The following STK10 variants were observed in gnomAD, a reference collection of about 807,000 sequenced individuals.
STK10 encodes serine/threonine-protein kinase 10.
A neutral mutation model predicts 113.8 loss-of-function variants in STK10; 78 were observed. The ratio of observed to expected loss-of-function variants is 0.69; its 90% CI spans 0.57 to 0.83. The LOEUF is 0.83. STK10 is among the 40% of genes least tolerant of loss of function. The pLI, the probability that STK10 is intolerant of heterozygous loss-of-function variation, is 0.00. For missense variants in STK10, 1,109 were observed against 1,280.1 expected, an observed-to-expected ratio of 0.87 and a Z score of 2.04; for synonymous variants, 465 against 494.7, an observed-to-expected ratio of 0.94 and a Z score of 0.80.
At position 172,083,009 on chromosome 5, in the gene STK10, A is replaced by T; in HGVS notation, c.1761T>A (p.His587Gln). 3 of 1,613,954 alleles carry T rather than the reference A, an allele frequency of 1.9e-6. No individual in the cohort carries two copies. The highest frequency in any genetic ancestry group is 2.5e-6 in the Non-Finnish European group (3 of 1,179,956). Residue 587 changes from histidine to glutamine, a missense_variant, in exon 11 of 19, where the codon CAT (histidine) becomes CAA (glutamine). Around this residue, in one of 5 missense-constraint regions of STK10, gnomAD observed 885 missense variants for 991.1 expected, o/e 0.89. Coordinates refer to ENST00000176763, the MANE Select transcript of STK10 (RefSeq NM_005990.4). ...HRNQTQLSNK[H>Q]ELQLEQMHKR... Reference sequence around the variant, plus strand: ...TATGCATTTGCTCCAGCTGCAGCTCATGCTTGTTACTCAGCTGGGTCTGGT... The same window carrying T: ...TATGCATTTGCTCCAGCTGCAGCTCTTGCTTGTTACTCAGCTGGGTCTGGT...
In STK10 at chr5:172,055,777, C is replaced by T. The variant is rs776368912; in HGVS notation, c.2338-1G>A. ...TGTAGCGCTGCATCTGCTCCCGCTC[C>T]TGGAGAGGAATATCCAGAGGGGCTG... On this transcript the variant is annotated splice_acceptor_variant, in intron 15 of 18. Transcript: ENST00000176763. LOFTEE classifies it high-confidence loss of function. 2.7e-6 allele frequency: 4 copies of T among 1,482,062 alleles called. No homozygotes were observed. The highest frequency in any genetic ancestry group is 3.6e-6 in the Non-Finnish European group (4 of 1,106,336). The allele number at this position is 1,482,062 out of a possible 1,614,324, so 91.8% of individuals were successfully genotyped here. A position where few individuals can be genotyped will look rare whatever the true frequency, so the allele number is the denominator to read the frequency against.
At chr5:172,185,317 G>T (rs1770935500) in intron 1 of STK10, among the ~76,000 whole-genome samples, 1 of 151,912 alleles carries the variant, frequency 6.6e-6, no homozygotes, top group Non-Finnish European at 1.5e-5. Flanking sequence ...TCGCCAGGCT[G>T]GAGTGCAGTG....
intron 12 of STK10, among the ~76,000 whole-genome samples, chr5:172,076,929 C>CAAAGGCACCGAAAACACGAAG (rs56807786): frequency 0.21 from 31,808 of 151,734 alleles, 4,315 homozygotes; most frequent in African/African-American, 0.38. Context: ...GGATTTCTGC[C>CAAAGGCACCGAAAACACGAAG]AAAGGCACCA....
chr5:172,178,306 G>A (rs565173279), intron 1 of STK10, among the ~76,000 whole-genome samples: 60 of 152,292 alleles, frequency 3.9e-4, no homozygotes, highest in African/African-American at 1.4e-3. Context: ...ACGGCCAGCA[G>A]TCAGCAACCT....
chr5:172,107,720 G>A (rs773881212), intron 5 of STK10, 60 bp downstream of exon 5: 7 of 1,553,518 alleles, frequency 4.5e-6, no homozygotes, highest in Non-Finnish European at 6.2e-6. Flanking sequence ...AGCGCCTGGT[G>A]GTCACCTTGG....
intron 3 of STK10, among the ~76,000 whole-genome samples, chr5:172,121,765 C>T (rs1379850528): frequency 1.3e-5 from 2 of 152,182 alleles, no homozygotes; most frequent in Admixed American, 6.5e-5. Flanking sequence ...AGTCTTACTA[C>T]GTTGTCCAAG....
chr5:172,135,697 C>T (rs1296292789), intron 2 of STK10, among the ~76,000 whole-genome samples: 1 of 152,052 alleles, frequency 6.6e-6, no homozygotes, highest in Admixed American at 6.6e-5. Context: ...CATATAGATC[C>T]AAAAGAATTT....
intron 7 of STK10, among the ~76,000 whole-genome samples, chr5:172,098,975 CCAT>C (rs1399277615): frequency 6.6e-6 from 1 of 151,556 alleles, no homozygotes; most frequent in Non-Finnish European, 1.5e-5. Context: ...ACCATCACCA[CCAT>C]CATTACCATC....
At position 172,082,603 on chromosome 5, in the gene STK10, G is replaced by C; in HGVS notation, c.1810-98C>G. On this transcript the variant is annotated intron_variant, in intron 11 of 18. Coordinates refer to ENST00000176763, the MANE Select transcript of STK10 (RefSeq NM_005990.4). This position sits in a 1 kb window ranked among gnomAD's most constrained non-coding sequence, Gnocchi z 4.3. ...GGGGAGAACTCAGAGCTTGTGATCA[G>C]ACCTAAGCTTGAATCCCAGCTCTAC... The C allele has an allele frequency of 7.0e-7, 1 of 1,423,592 alleles. No homozygotes were observed. The allele number at this position is 1,423,592 out of a possible 1,614,324, so 88.2% of individuals were successfully genotyped here.
chr5:172,180,244 A>C (rs1002931454), intron 1 of STK10, among the ~76,000 whole-genome samples: 2 of 152,078 alleles, frequency 1.3e-5, no homozygotes, highest in African/African-American at 4.8e-5. Context: ...CGGGCAGATC[A>C]CCAGAAGTCA....
intron 1 of STK10, among the ~76,000 whole-genome samples, chr5:172,159,754 C>T (rs936992579): frequency 1.3e-5 from 2 of 151,972 alleles, no homozygotes; most frequent in Non-Finnish European, 2.9e-5. Flanking sequence ...ACCCGGAAGG[C>T]AGAGGTTGCA....
intron 15 of STK10, chr5:172,056,954 GGAAAGAAA>G (rs758056970): frequency 0.016 from 1,290 of 78,880 alleles, 36 homozygotes; most frequent in Admixed American, 0.042. Context: ...AAAGAAAGAA[GGAAAGAAA>G]GAAAGAAAGA....
chr5:172,097,943 G>T (rs1387212626), intron 7 of STK10, among the ~76,000 whole-genome samples: 1 of 152,190 alleles, frequency 6.6e-6, no homozygotes, highest in Non-Finnish European at 1.5e-5. Context: ...CCCGGGTATA[G>T]CCAGGGATGT....
At chr5:172,135,588 A>G (rs1490925970) in intron 2 of STK10, among the ~76,000 whole-genome samples, 3 of 152,172 alleles carry the variant, frequency 2.0e-5, no homozygotes, top group Non-Finnish European at 4.4e-5. Context: ...TGATGGTGGT[A>G]ATGTAAAATG....
Position 172,149,500 on chromosome 5 carries a change from G to GTGTGTGTGTGTGTGTGTC in STK10, c.321+7123_321+7124insGACACACACACACACACA, listed in dbSNP as rs1392930290. Reference sequence around the variant, plus strand: ...AAAGTGCTTTACAAAGTGCTCGTGTGTGTGTGTGTGTGTGTGTGTGTCTGT... The same window carrying GTGTGTGTGTGTGTGTGTC: ...AAAGTGCTTTACAAAGTGCTCGTGTGTGTGTGTGTGTGTGTGTCTGTGTGTGTGTGTGTGTGTGTCTGT... On this transcript the variant is annotated intron_variant, in intron 2 of 18. Coordinates refer to ENST00000176763, the MANE Select transcript of STK10 (RefSeq NM_005990.4). 3.1e-5 allele frequency among the ~76,000 whole-genome samples: 4 copies of GTGTGTGTGTGTGTGTGTC among 130,170 alleles called. No homozygotes were observed. The East Asian group carries it at 1.2e-3, about 40-fold the overall frequency. 85.4% of individuals were successfully genotyped at this position (130,170 alleles called of 152,430 possible).
At chr5:172,128,221 C>CAAAA (rs35298910) in intron 2 of STK10, among the ~76,000 whole-genome samples, 239 of 76,862 alleles carry the variant, frequency 3.1e-3, no homozygotes, top group African/African-American at 3.4e-3. Flanking sequence ...GACTCCGTCT[C>CAAAA]AAAAAAAAAA....
chr5:172,186,606 AGGGAAACCCT>A (rs1302946638), intron 1 of STK10, among the ~76,000 whole-genome samples: 1 of 151,304 alleles, frequency 6.6e-6, no homozygotes, highest in Non-Finnish European at 1.5e-5. Flanking sequence ...TGAGCAACAG[AGGGAAACCCT>A]GTCTCAAAAA....
chr5:172,148,914 G>C (rs1278256851), intron 2 of STK10, among the ~76,000 whole-genome samples: 2 of 152,234 alleles, frequency 1.3e-5, no homozygotes, highest in African/African-American at 4.8e-5. Context: ...AGCCAGGCGT[G>C]GTGGCTCACG....
intron 1 of STK10, among the ~76,000 whole-genome samples, 170 bp from the exon 2 acceptor site, chr5:172,156,958 G>A (rs1770361411): frequency 6.6e-6 from 1 of 152,068 alleles, no homozygotes; most frequent in African/African-American, 2.4e-5. Context: ...CTGTACTTAA[G>A]AGTAAGTACC....
Sources: gnomAD v4.1 joint callset for allele counts (sites outside exome capture counted in the v4.1 genomes callset) on GRCh38, gnomAD v4.1.1 for gene constraint, gnomAD v4.1.1 regional missense constraint, Gnocchi (gnomAD v3.1) non-coding constraint, MANE v1.5 for transcripts, NCBI Gene and HGNC (gene_info 2026-07-23, HGNC 2026-07-21) for gene names.